PLEKHG1: variants seen among roughly 807,000 people sequenced by gnomAD.
PLEKHG1 encodes pleckstrin homology and RhoGEF domain containing G1, also known as pleckstrin homology domain-containing family G member 1.
PLEKHG1 carries 44 observed loss-of-function variants against 100.8 expected under a neutral mutation model. The ratio of observed to expected loss-of-function variants is 0.44; its 90% CI spans 0.34 to 0.56. The LOEUF is 0.56. PLEKHG1 is among the 20% of genes least tolerant of loss of function. The pLI is 0.01. For synonymous variants in PLEKHG1, 640 were observed against 662.5 expected (o/e 0.97, Z 0.52); for missense variants, 1,545 against 1,720.9 (o/e 0.90, Z 1.81).
chr6:150,634,759 T>A (rs1428527985), intron 1 of PLEKHG1, among the ~76,000 whole-genome samples: 1 of 152,226 alleles, frequency 6.6e-6, no homozygotes, highest in Non-Finnish European at 1.5e-5. Context: ...CAATAAATCT[T>A]GATTTTGTAG....
At chr6:150,656,124 A>C (rs1778960713) in intron 3 of PLEKHG1, among the ~76,000 whole-genome samples, 1 of 152,092 alleles carries the variant, frequency 6.6e-6, no homozygotes, top group South Asian at 2.1e-4. Context: ...CAACCAATAA[A>C]AAAAAAACTC....
chr6:150,774,525 G>A (rs1293678933), intron 3 of PLEKHG1, among the ~76,000 whole-genome samples: 1 of 127,570 alleles, frequency 7.8e-6, no homozygotes, highest in East Asian at 2.3e-4. Context: ...GCACTGATTA[G>A]TTTGAATTTT....
chr6:150,683,935 G>GC lies in PLEKHG1; in HGVS notation c.-99+33149_-99+33150insC. On this transcript the variant is annotated intron_variant, in intron 3 of 3. Coordinates refer to the PLEKHG1 transcript ENST00000367326. This position sits in a 1 kb window ranked among gnomAD's most constrained non-coding sequence, Gnocchi z 4.0. ...CACCTGCAGCCAGGGTGGTGGCAAG[G>GC]GCAGTGGCAAGTAGTGGGTTTCATG... 1.5e-6 allele frequency: 1 copy of GC among 657,312 alleles called. No individual in the cohort carries two copies. Among genetic ancestry groups the GC allele is most frequent in the Non-Finnish European group, 2.2e-6 (1 of 446,056 alleles). 40.7% of individuals were successfully genotyped at this position (657,312 alleles called of 1,614,324 possible). A position where few individuals can be genotyped will look rare whatever the true frequency, so the allele number is the denominator to read the frequency against.
chr6:150,611,976 C>G (rs60727565), intron 1 of PLEKHG1, among the ~76,000 whole-genome samples: 1 of 150,794 alleles, frequency 6.6e-6, no homozygotes, highest in Non-Finnish European at 1.5e-5. Flanking sequence ...ACAATTGACT[C>G]AAAGTCACCA....
intron 10 of PLEKHG1, among the ~76,000 whole-genome samples, chr6:150,810,574 G>A (rs1486433245): frequency 7.2e-6 from 1 of 138,978 alleles, no homozygotes; most frequent in Non-Finnish European, 1.6e-5. Context: ...AAAATTGAGA[G>A]ATAGAATATA....
intron 15 of PLEKHG1, among the ~76,000 whole-genome samples, chr6:150,837,480 G>A (rs1777290336): frequency 6.6e-6 from 1 of 152,234 alleles, no homozygotes; most frequent in Non-Finnish European, 1.5e-5. Flanking sequence ...GTCAAGATCT[G>A]ATTGTTCTTA....
intron 2 of PLEKHG1, among the ~76,000 whole-genome samples, chr6:150,638,488 T>C (rs1778112489): frequency 6.6e-6 from 1 of 152,208 alleles, no homozygotes; most frequent in African/African-American, 2.4e-5. Flanking sequence ...GCTTGAACCT[T>C]TCTTCTCATT....
Position 150,605,130 on chromosome 6 carries a change from AT to A in PLEKHG1, c.-204+5116del, listed in dbSNP as rs768007755. ...TTGCACAGGAGTTTATAAATGAAGC[AT>A]TTAGAGGTCTAGAGAAATGTGGTGA... On this transcript the variant is annotated intron_variant, in intron 1 of 3. Transcript: ENST00000367326. 4.6e-5 allele frequency among the ~76,000 whole-genome samples: 7 copies of A among 152,324 alleles called. No individual in the cohort carries two copies. The South Asian group carries it at 1.4e-3, about 32-fold the overall frequency.
intron 2 of PLEKHG1, among the ~76,000 whole-genome samples, chr6:150,758,443 C>G (rs1444621764): frequency 1.3e-5 from 2 of 151,706 alleles, no homozygotes; most frequent in Non-Finnish European, 2.9e-5. Flanking sequence ...TCAAGTGATT[C>G]TCCTGCCTCA....
intron 1 of PLEKHG1, chr6:150,633,417 T>A (rs936073878): frequency 3.3e-5 from 5 of 152,868 alleles, no homozygotes; most frequent in African/African-American, 1.2e-4. Context: ...TCAGTATTGC[T>A]GGCCTGTGCA....
intron 1 of PLEKHG1, among the ~76,000 whole-genome samples, chr6:150,730,722 G>A (rs899595788): frequency 6.6e-6 from 1 of 152,212 alleles, no homozygotes; most frequent in African/African-American, 2.4e-5. Flanking sequence ...GGCCAACGTG[G>A]TGAAACCCCG....
chr6:150,640,519 A>G (rs1433720381), intron 2 of PLEKHG1, among the ~76,000 whole-genome samples: 1 of 151,594 alleles, frequency 6.6e-6, no homozygotes, highest in Non-Finnish European at 1.5e-5. Context: ...CTTTTTCAGT[A>G]TTTTCTACCC....
At chr6:150,740,763 G>A (rs577701858) in intron 2 of PLEKHG1, among the ~76,000 whole-genome samples, 1 of 152,038 alleles carries the variant, frequency 6.6e-6, no homozygotes, top group Admixed American at 6.5e-5. Flanking sequence ...TTCCTCCAAG[G>A]GATTTTATCG....
In PLEKHG1 at chr6:150,830,694, C is replaced by T. The variant is rs370464891; in HGVS notation, c.1583C>T (p.Ala528Val). 7.3e-4 allele frequency: 1,177 copies of T among 1,614,180 alleles called. 24 individuals are homozygous for T. The South Asian group carries it at 0.012, about 16-fold the overall frequency. Residue 528 changes from alanine to valine, a missense_variant, in exon 15 of 16, where the codon GCT becomes GTT. Transcript: ENST00000358517. ...ATCAGCGTGCTTCGAGCGGGTGGAG[C>T]TCTCAGAAACATCTGGACCGATCAC...
chr6:150,649,304 T>C (rs180985018), intron 2 of PLEKHG1, among the ~76,000 whole-genome samples: 6 of 152,320 alleles, frequency 3.9e-5, no homozygotes, highest in Middle Eastern at 3.4e-3. Context: ...TTAAGTTTTT[T>C]TGTTTTTCAA....
At chr6:150,604,582 C>T (rs1388764111) in intron 1 of PLEKHG1, among the ~76,000 whole-genome samples, 10 of 152,190 alleles carry the variant, frequency 6.6e-5, no homozygotes, top group South Asian at 4.1e-4. Flanking sequence ...TCCGTATTTT[C>T]GTTGAGACCC....
chr6:150,604,706 C>G (rs1490779859), intron 1 of PLEKHG1, among the ~76,000 whole-genome samples: 1 of 152,144 alleles, frequency 6.6e-6, no homozygotes, highest in Non-Finnish European at 1.5e-5. Flanking sequence ...TATCTTTGCC[C>G]TGGGGCTAGA....
intron 2 of PLEKHG1, among the ~76,000 whole-genome samples, chr6:150,761,099 C>CTTT (rs35068801): frequency 1.7e-3 from 166 of 95,906 alleles, no homozygotes; most frequent in Non-Finnish European, 2.4e-3. Flanking sequence ...TTCTTTTTTT[C>CTTT]TTTTTTTTTT....
At chr6:150,614,164 G>C (rs1035857417) in intron 1 of PLEKHG1, among the ~76,000 whole-genome samples, 2 of 152,204 alleles carry the variant, frequency 1.3e-5, no homozygotes, top group African/African-American at 4.8e-5. Flanking sequence ...CAATGTGGCA[G>C]AGACGTACGA....
Sources: gnomAD v4.1 joint callset for allele counts (sites outside exome capture counted in the v4.1 genomes callset) on GRCh38, gnomAD v4.1.1 for gene constraint, Gnocchi (gnomAD v3.1) non-coding constraint, MANE v1.5 for transcripts, NCBI Gene and HGNC (gene_info 2026-07-23, HGNC 2026-07-21) for gene names.